RNGTT: variants seen among roughly 807,000 people sequenced by gnomAD.
RNGTT encodes the protein mRNA-capping enzyme.
Under a neutral mutation model 79.3 loss-of-function variants are expected in RNGTT, and 33 were observed. The ratio of observed to expected loss-of-function variants is 0.42; its 90% CI spans 0.32 to 0.56. The LOEUF (loss-of-function observed/expected upper bound fraction) is 0.56, where lower values mean the gene tolerates loss of function less well. RNGTT is among the 20% of genes least tolerant of loss of function. The pLI is 0.17. For synonymous variants in RNGTT, 222 were observed against 235.9 expected, an observed-to-expected ratio of 0.94 and a Z score of 0.54; for missense variants, 497 against 739.1, an observed-to-expected ratio of 0.67 and a Z score of 3.80.
chr6:88,771,788 C>T (rs1476939626), intron 12 of RNGTT, among the ~76,000 whole-genome samples: 2 of 152,002 alleles, frequency 1.3e-5, no homozygotes, highest in Admixed American at 6.6e-5. Context: ...TAATAATTTA[C>T]TATTTTTGGT....
intron 13 of RNGTT, among the ~76,000 whole-genome samples, chr6:88,721,070 T>C (rs1328923858): frequency 6.6e-6 from 1 of 152,160 alleles, no homozygotes; most frequent in East Asian, 1.9e-4. Flanking sequence ...TTTTATTGGC[T>C]GTTCTTCTCC....
At position 88,624,330 on chromosome 6, in the gene RNGTT, G is replaced by A. The variant is rs573809197; in HGVS notation, c.1507-9935C>T. Among the ~76,000 whole-genome samples, 7 of 151,988 alleles carry A rather than the reference G, an allele frequency of 4.6e-5. No homozygotes were observed. In the South Asian group the frequency reaches 1.4e-3, roughly 31 times the overall value. The stretch of plus-strand genomic sequence containing the variant: ...TGATACTAACTGATCTCAAAACTTA[G>A]TATAAAGCTATAGTTATCAAGACAG... On this transcript the variant is annotated intron_variant, in intron 14 of 15. Coordinates refer to ENST00000369485, the MANE Select transcript of RNGTT (RefSeq NM_003800.5).
intron 11 of RNGTT, among the ~76,000 whole-genome samples, chr6:88,813,889 T>C (rs1020209647): frequency 6.6e-6 from 1 of 152,212 alleles, no homozygotes; most frequent in Non-Finnish European, 1.5e-5. Context: ...AGGAATCACA[T>C]CTTACATTCA....
At chr6:88,800,524 T>C (rs1366872891) in intron 12 of RNGTT, among the ~76,000 whole-genome samples, 2 of 152,008 alleles carry the variant, frequency 1.3e-5, no homozygotes, top group Admixed American at 1.3e-4. Flanking sequence ...AAAAGAAGAG[T>C]TGGTGAAGAA....
intron 13 of RNGTT, among the ~76,000 whole-genome samples, chr6:88,741,683 C>A (rs1194766183): frequency 6.6e-6 from 1 of 152,102 alleles, no homozygotes; most frequent in Non-Finnish European, 1.5e-5. Flanking sequence ...ACATCACAAT[C>A]CAACATCCAG....
At chr6:88,645,398 GAATC>G (rs1218161471) in intron 14 of RNGTT, among the ~76,000 whole-genome samples, 1 of 152,178 alleles carries the variant, frequency 6.6e-6, no homozygotes, top group Admixed American at 6.5e-5. Context: ...TGGGTAGGAA[GAATC>G]AATATCGTGA....
chr6:88,717,873 G>A (rs1244438858), intron 13 of RNGTT, among the ~76,000 whole-genome samples: 5 of 152,128 alleles, frequency 3.3e-5, no homozygotes, highest in Non-Finnish European at 4.4e-5. Flanking sequence ...TCTGTAGGCT[G>A]TAAAAAGAAG....
At chr6:88,783,916 C>T (rs1374287361) in intron 12 of RNGTT, among the ~76,000 whole-genome samples, 3 of 151,816 alleles carry the variant, frequency 2.0e-5, no homozygotes, top group African/African-American at 4.8e-5. Flanking sequence ...TTTTTTTAAA[C>T]CAGTACCTAT....
At chr6:88,724,708 G>T (rs1197790184) in intron 13 of RNGTT, among the ~76,000 whole-genome samples, 1 of 152,162 alleles carries the variant, frequency 6.6e-6, no homozygotes, top group Non-Finnish European at 1.5e-5. Context: ...TCTTTTCAAA[G>T]AATCAATATG....
At chr6:88,867,312 AT>A (rs1363457518) in intron 8 of RNGTT, among the ~76,000 whole-genome samples, 1 of 151,902 alleles carries the variant, frequency 6.6e-6, no homozygotes, top group Non-Finnish European at 1.5e-5. Context: ...GTGAATCCCC[AT>A]CTCTACTAAA....
intron 13 of RNGTT, among the ~76,000 whole-genome samples, chr6:88,741,394 T>C (rs1240074749): frequency 6.6e-6 from 1 of 152,062 alleles, no homozygotes; most frequent in African/African-American, 2.4e-5. Flanking sequence ...CACTGGGTAC[T>C]CATGGACATA....
rs189593650 is a variant in RNGTT, at chr6:88,917,601, C to A, written c.368-11161G>T. 4.6e-5 allele frequency among the ~76,000 whole-genome samples: 7 copies of A among 152,310 alleles called. No homozygotes were observed. The East Asian group carries it at 1.2e-3, about 25-fold the overall frequency. ...TCAGAGTTTAGAAAAACCACTCCCA[C>A]GGCTGATTATAGCTCTGGCCTGTAA... On this transcript the variant is annotated intron_variant, in intron 4 of 15. Coordinates refer to ENST00000369485, the MANE Select transcript of RNGTT (RefSeq NM_003800.5).
At chr6:88,682,529 T>C (rs1477551972) in intron 13 of RNGTT, among the ~76,000 whole-genome samples, 1 of 152,244 alleles carries the variant, frequency 6.6e-6, no homozygotes, top group Admixed American at 6.5e-5. Context: ...TTGAATCTTC[T>C]AGTGGGATGT....
At chr6:88,957,294 C>T (rs570610156) in intron 1 of RNGTT, among the ~76,000 whole-genome samples, 59 of 152,250 alleles carry the variant, frequency 3.9e-4, no homozygotes, top group African/African-American at 1.4e-3. Flanking sequence ...AAAGCATTCC[C>T]CCTGGGAACT....
intron 13 of RNGTT, among the ~76,000 whole-genome samples, chr6:88,764,159 C>T (rs917908359): frequency 1.3e-5 from 2 of 152,198 alleles, no homozygotes; most frequent in South Asian, 2.1e-4. Flanking sequence ...TACCCCAGTT[C>T]GCTGCATGGT....
chr6:88,818,691 C>T (rs1009875083), intron 11 of RNGTT, among the ~76,000 whole-genome samples: 10 of 152,162 alleles, frequency 6.6e-5, no homozygotes, highest in African/African-American at 1.4e-4. Context: ...CAATTCATTA[C>T]GAGTATGATA....
At position 88,909,443 on chromosome 6, in the gene RNGTT, C is replaced by G. The variant is rs74482629; in HGVS notation, c.368-3003G>C. ...ACCCACTGCATTACCAGACCACCTG[C>G]AGACATACCCCACAACCCACTCTTA... On this transcript the variant is annotated intron_variant, in intron 4 of 15. Coordinates refer to ENST00000369485, the MANE Select transcript of RNGTT (RefSeq NM_003800.5). Among the ~76,000 whole-genome samples the G allele has an allele frequency of 3.4e-3, 518 of 152,288 alleles. 1 individual carries two copies. Among genetic ancestry groups the G allele is most frequent in the Middle Eastern group, 6.8e-3 (2 of 294 alleles).
At chr6:88,902,143 C>T (rs1783491249) in intron 6 of RNGTT, among the ~76,000 whole-genome samples, 1 of 152,030 alleles carries the variant, frequency 6.6e-6, no homozygotes, top group South Asian at 2.1e-4. Context: ...GCTACAATCA[C>T]ACCACTGCAC....
chr6:88,825,954 C>A (rs997801648), intron 11 of RNGTT, among the ~76,000 whole-genome samples: 2 of 152,228 alleles, frequency 1.3e-5, no homozygotes, highest in Admixed American at 6.5e-5. Context: ...TCTTTCTAAT[C>A]TATTCAAATG....
Sources: allele counts gnomAD v4.1 joint callset (sites outside exome capture counted in the v4.1 genomes callset), GRCh38; gene constraint gnomAD v4.1.1; transcripts MANE v1.5; gene names NCBI Gene and HGNC (gene_info 2026-07-23, HGNC 2026-07-21).